PROM1: variants seen among roughly 807,000 people sequenced by gnomAD.
PROM1 encodes the protein prominin-1.
In PROM1, 105 loss-of-function variants were observed where a neutral mutation model predicts 116.9. The ratio of observed to expected loss-of-function variants is 0.90; its 90% CI spans 0.77 to 1.06. The LOEUF is 1.06. Ranked by LOEUF, PROM1 falls within the 50% of genes least tolerant of loss-of-function variation. PROM1 has a pLI of 0.00. For missense variants in PROM1, 1,122 were observed against 1,045.2 expected, an observed-to-expected ratio of 1.07 and a Z score of -1.01; for synonymous variants, 393 against 387.0, an observed-to-expected ratio of 1.02 and a Z score of -0.18.
chr4:15,974,097 A>G (rs1479977430), intron 26 of PROM1, among the ~76,000 whole-genome samples: 2 of 135,938 alleles, frequency 1.5e-5, no homozygotes, highest in African/African-American at 2.6e-5. Flanking sequence ...ACACACACAC[A>G]GACACACACA....
chr4:16,054,093 C>T (rs1016887621), intron 2 of PROM1, among the ~76,000 whole-genome samples: 14 of 152,126 alleles, frequency 9.2e-5, no homozygotes, highest in Non-Finnish European at 1.9e-4. Flanking sequence ...GACTCTGTCT[C>T]GAACAAAACA....
At chr4:16,011,092 C>G (rs1367178881) in intron 11 of PROM1, among the ~76,000 whole-genome samples, 16 of 152,176 alleles carry the variant, frequency 1.1e-4, no homozygotes, top group African/African-American at 3.6e-4. Flanking sequence ...TGCTTCTCAG[C>G]CTGGCTTGCC....
In PROM1 at chr4:16,076,032, A is replaced by G; in HGVS notation, c.-126T>C. On this transcript the variant is annotated 5_prime_UTR_variant, in exon 2 of 28. Coordinates refer to ENST00000447510, the MANE Select transcript of PROM1 (RefSeq NM_006017.3). ...GAGCAGGAAGCACTGGATCTGCTGA[A>G]TCTTCAGTTTTCTGTCTGAGGCTGG... 6.9e-7 allele frequency: 1 copy of G among 1,440,248 alleles called. No homozygotes were observed. The highest frequency in any genetic ancestry group is 9.1e-7 in the Non-Finnish European group (1 of 1,096,208). The allele number at this position is 1,440,248 out of a possible 1,614,324, so 89.2% of individuals were successfully genotyped here. A position where few individuals can be genotyped will look rare whatever the true frequency, so the allele number is the denominator to read the frequency against.
chr4:15,994,111 G>A, intron 15 of PROM1, 40 bp from the exon 16 acceptor site: 1 of 1,612,548 alleles, frequency 6.2e-7, no homozygotes, highest in South Asian at 1.1e-5. Flanking sequence ...TAGAAAAGCT[G>A]TTGCAGCTAC....
intron 2 of PROM1, among the ~76,000 whole-genome samples, chr4:16,045,786 T>C (rs886990391): frequency 4.6e-5 from 7 of 152,146 alleles, no homozygotes; most frequent in Non-Finnish European, 4.4e-5. Context: ...AGAGAATGCA[T>C]GAAAAGGTAC....
chr4:16,040,118 C>G (rs758464056), intron 2 of PROM1, among the ~76,000 whole-genome samples: 1 of 152,118 alleles, frequency 6.6e-6, no homozygotes, highest in African/African-American at 2.4e-5. Flanking sequence ...GGGGGGCAAA[C>G]GAAACACTAC....
At chr4:16,071,738 C>T (rs1257662458) in intron 2 of PROM1, among the ~76,000 whole-genome samples, 2 of 152,184 alleles carry the variant, frequency 1.3e-5, no homozygotes, top group African/African-American at 4.8e-5. Context: ...GACATCCCAG[C>T]CTCCAGCACT....
chr4:15,986,732 T>G (rs1004815885), intron 20 of PROM1, among the ~76,000 whole-genome samples: 6 of 152,222 alleles, frequency 3.9e-5, no homozygotes, highest in Non-Finnish European at 8.8e-5. Flanking sequence ...AAATGGCAAC[T>G]GTGATCAGAG....
chr4:16,027,297 AACACACACAC>A (rs144910885), intron 5 of PROM1, among the ~76,000 whole-genome samples: 1 of 147,126 alleles, frequency 6.8e-6, no homozygotes, highest in African/African-American at 2.5e-5. Context: ...GTGAAGAAGA[AACACACACAC>A]ACACACACAC....
chr4:16,009,616 AAATAAT>A (rs1300579933), intron 11 of PROM1, among the ~76,000 whole-genome samples: 2 of 152,048 alleles, frequency 1.3e-5, no homozygotes, highest in African/African-American at 4.8e-5. Flanking sequence ...TTGGGAAAAT[AAATAAT>A]AATAATAATT....
intron 22 of PROM1, chr4:15,985,557 G>A (rs1719152744): frequency 3.5e-6 from 2 of 572,614 alleles, no homozygotes; most frequent in Admixed American, 3.6e-5. Flanking sequence ...ATATGGCAAA[G>A]GTGAGCAAAG....
intron 11 of PROM1, among the ~76,000 whole-genome samples, chr4:16,012,534 C>A (rs1268782275): frequency 6.6e-6 from 1 of 152,120 alleles, no homozygotes. Flanking sequence ...CTAAAATCTT[C>A]CTAATAGACA....
intron 2 of PROM1, among the ~76,000 whole-genome samples, chr4:16,067,851 G>C (rs561388163): frequency 1.4e-3 from 207 of 152,278 alleles, no homozygotes; most frequent in African/African-American, 4.8e-3. Flanking sequence ...GGCTCACACA[G>C]ACGACCCCGG....
intron 23 of PROM1, 126 bp downstream of exon 23, chr4:15,984,137 A>C (rs943020760): frequency 1.2e-6 from 1 of 825,226 alleles, no homozygotes; most frequent in Non-Finnish European, 1.9e-6. Flanking sequence ...CACTGATCAA[A>C]ATATTACATT....
intron 4 of PROM1, among the ~76,000 whole-genome samples, chr4:16,034,322 C>G (rs190450601): frequency 6.6e-6 from 1 of 152,126 alleles, no homozygotes. Context: ...CTCTGATACA[C>G]TGGAAATAAT....
chr4:16,016,724 T>C (rs963219660), intron 9 of PROM1, among the ~76,000 whole-genome samples: 3 of 152,170 alleles, frequency 2.0e-5, no homozygotes, highest in Non-Finnish European at 4.4e-5. Context: ...AAGAACATAA[T>C]ATCACTACTG....
intron 2 of PROM1, among the ~76,000 whole-genome samples, chr4:16,067,621 A>G (rs1388626514): frequency 6.6e-6 from 1 of 152,198 alleles, no homozygotes; most frequent in Non-Finnish European, 1.5e-5. Flanking sequence ...GTGTGACCTA[A>G]TTTGTGGCTA....
At chr4:16,083,548 G>A (rs1229627979) in intron 1 of PROM1, 1 of 152,338 alleles carries the variant, frequency 6.6e-6, no homozygotes, top group Non-Finnish European at 1.5e-5. Context: ...GGGGGGCGCA[G>A]AGCGAACCCG....
intron 1 of PROM1, among the ~76,000 whole-genome samples, chr4:16,080,194 G>T (rs1744773659): frequency 7.0e-6 from 1 of 143,138 alleles, no homozygotes; most frequent in African/African-American, 2.6e-5. Context: ...TTTGAGCCTG[G>T]AGTCCAGAGA....
Sources: gnomAD v4.1 joint callset for allele counts (sites outside exome capture counted in the v4.1 genomes callset) on GRCh38, gnomAD v4.1.1 for gene constraint, MANE v1.5 for transcripts, NCBI Gene and HGNC (gene_info 2026-07-23, HGNC 2026-07-21) for gene names.